Variants in NELL1 observed in about 807,000 individuals in gnomAD.
NELL1 encodes the protein protein kinase C-binding protein NELL1.
A neutral mutation model predicts 107.4 loss-of-function variants in NELL1; 76 were observed. That is an observed-to-expected ratio of 0.71 (90% CI 0.59 to 0.86). NELL1 has a LOEUF of 0.86. Ranked by LOEUF, NELL1 falls within the 40% of genes least tolerant of loss-of-function variation. The pLI is 0.00. For synonymous variants in NELL1, 353 were observed against 341.2 expected, an observed-to-expected ratio of 1.03 and a Z score of -0.38; for missense variants, 1,024 against 1,005.5, an observed-to-expected ratio of 1.02 and a Z score of -0.25.
intron 4 of NELL1, among the ~76,000 whole-genome samples, chr11:20,878,252 C>T (rs562381674): frequency 2.7e-4 from 39 of 146,448 alleles, no homozygotes; most frequent in African/African-American, 6.7e-4. Context: ...CCCAGCTACT[C>T]GGGAGGCTGA....
chr11:20,882,850 C>T (rs761907941), intron 4 of NELL1, among the ~76,000 whole-genome samples: 1 of 152,122 alleles, frequency 6.6e-6, no homozygotes, highest in Non-Finnish European at 1.5e-5. Context: ...TTTAAAGTCT[C>T]TCTTTTAATC....
At chr11:21,526,422 T>C (rs987244819) in intron 15 of NELL1, among the ~76,000 whole-genome samples, 2 of 152,220 alleles carry the variant, frequency 1.3e-5, no homozygotes, top group Non-Finnish European at 2.9e-5. Flanking sequence ...AAGCTGTCAG[T>C]GGATCTACCA....
At chr11:21,545,201 T>C (rs182876657) in intron 16 of NELL1, among the ~76,000 whole-genome samples, 2 of 152,182 alleles carry the variant, frequency 1.3e-5, no homozygotes, top group Admixed American at 6.6e-5. Context: ...ATTGTCAAGC[T>C]AATCTCTATT....
chr11:20,847,536 G>T, intron 3 of NELL1, 47 bp from the exon 4 acceptor site: 4 of 1,572,940 alleles, frequency 2.5e-6, no homozygotes, highest in Non-Finnish European at 3.5e-6. Flanking sequence ...TGATGGCTGT[G>T]ATATCCAGAA....
intron 13 of NELL1, among the ~76,000 whole-genome samples, chr11:21,154,528 C>T (rs375563452): frequency 1.1e-3 from 161 of 152,150 alleles, no homozygotes; most frequent in African/African-American, 3.7e-3. Context: ...AGTCTTTTTC[C>T]CTTAAGGAGC....
intron 15 of NELL1, among the ~76,000 whole-genome samples, chr11:21,493,430 T>G (rs1854885208): frequency 6.6e-6 from 1 of 152,022 alleles, no homozygotes; most frequent in Non-Finnish European, 1.5e-5. Context: ...TCATGTAATT[T>G]GAAACAACAT....
intron 2 of NELL1, among the ~76,000 whole-genome samples, chr11:20,701,736 G>A (rs1434938902): frequency 3.8e-4 from 58 of 152,244 alleles, no homozygotes; most frequent in African/African-American, 1.3e-3. Flanking sequence ...TGGCTAGCCA[G>A]TTTTCCCAGC....
intron 13 of NELL1, among the ~76,000 whole-genome samples, chr11:21,133,909 G>A (rs929845875): frequency 2.6e-5 from 4 of 152,220 alleles, no homozygotes; most frequent in Admixed American, 6.5e-5. Context: ...AGTGGGCAGG[G>A]CTTCTGCCTG....
chr11:21,523,859 C>A (rs12419088), intron 15 of NELL1, among the ~76,000 whole-genome samples: 17,939 of 151,878 alleles, frequency 0.12, 1,367 homozygotes, highest in Middle Eastern at 0.23. Flanking sequence ...ATCTAATTTC[C>A]AGTATCTTGA....
chr11:21,535,023 A>T (rs1856099704), intron 16 of NELL1, among the ~76,000 whole-genome samples: 1 of 152,200 alleles, frequency 6.6e-6, no homozygotes, highest in Non-Finnish European at 1.5e-5. Context: ...AATACCACCT[A>T]TTTAAAAATT....
At chr11:20,977,070 G>T (rs1590489173) in intron 12 of NELL1, among the ~76,000 whole-genome samples, 1 of 151,886 alleles carries the variant, frequency 6.6e-6, no homozygotes, top group Admixed American at 6.6e-5. Context: ...TGTATAGCTA[G>T]AATAAATATG....
intron 14 of NELL1, among the ~76,000 whole-genome samples, chr11:21,316,413 C>T (rs1352617016): frequency 6.6e-6 from 1 of 152,102 alleles, no homozygotes; most frequent in African/African-American, 2.4e-5. Context: ...AGAAGGAAGC[C>T]AAATCACTCA....
At chr11:21,547,753 T>C (rs1470683801) in intron 16 of NELL1, among the ~76,000 whole-genome samples, 1 of 151,780 alleles carries the variant, frequency 6.6e-6, no homozygotes, top group African/African-American at 2.4e-5. Context: ...ATCAAGCAAC[T>C]ACTATGTGTT....
At chr11:20,942,516 C>A (rs1850877133) in intron 10 of NELL1, among the ~76,000 whole-genome samples, 1 of 152,108 alleles carries the variant, frequency 6.6e-6, no homozygotes, top group African/African-American at 2.4e-5. Flanking sequence ...GGTCAATAAC[C>A]TATAGCTGGC....
At chr11:21,276,744 C>A (rs113912428) in intron 14 of NELL1, among the ~76,000 whole-genome samples, 3 of 152,176 alleles carry the variant, frequency 2.0e-5, no homozygotes, top group Non-Finnish European at 4.4e-5. Flanking sequence ...AATAATGCCA[C>A]ATATCTACAA....
intron 15 of NELL1, among the ~76,000 whole-genome samples, chr11:21,392,945 G>A (rs1388516633): frequency 4.0e-5 from 6 of 151,256 alleles, no homozygotes. Flanking sequence ...GGATGTTATG[G>A]GAAATTGGGA....
At chr11:20,960,853 C>T (rs898666956) in intron 12 of NELL1, among the ~76,000 whole-genome samples, 4 of 152,182 alleles carry the variant, frequency 2.6e-5, no homozygotes, top group African/African-American at 9.7e-5. Flanking sequence ...ACTAGATCAA[C>T]CATAGACACA....
rs764256028 is a variant in NELL1, at chr11:20,947,399, A to G, written c.1135A>G (p.Ile379Val). 2 of 1,614,096 alleles carry G rather than the reference A, an allele frequency of 1.2e-6. No homozygotes were observed. Among genetic ancestry groups the G allele is most frequent in the Non-Finnish European group, 1.7e-6 (2 of 1,179,982 alleles). The change falls in exon 11 of 20, where the codon ATT becomes GTT. Residue 379 changes from isoleucine to valine, a missense_variant. Coordinates refer to ENST00000357134, the MANE Select transcript of NELL1 (RefSeq NM_006157.5). Reference sequence around the variant, plus strand: ...TTTGAACTGCTCAGAAAAGGATCACATTCTTCCTGAGAATCAGTGCTGCCG... The same window carrying G: ...TTTGAACTGCTCAGAAAAGGATCACGTTCTTCCTGAGAATCAGTGCTGCCG... ...PPLNCSEKDH[I>V]LPENQCCRVC...
At chr11:21,088,406 GA>G in intron 12 of NELL1, among the ~76,000 whole-genome samples, 1 of 152,024 alleles carries the variant, frequency 6.6e-6, no homozygotes, top group East Asian at 1.9e-4. Flanking sequence ...GAGGCTCTGA[GA>G]AGTTATTTTC....
Sources: allele counts gnomAD v4.1 joint callset (sites outside exome capture counted in the v4.1 genomes callset), GRCh38; gene constraint gnomAD v4.1.1; transcripts MANE v1.5; gene names NCBI Gene and HGNC (gene_info 2026-07-23, HGNC 2026-07-21).